The following PNPLA7 variants were observed in gnomAD, a reference collection of about 807,000 sequenced individuals.
PNPLA7 encodes the protein patatin like domain 7, lysophospholipase.
In PNPLA7, 153 loss-of-function variants were observed where a neutral mutation model predicts 161.7. The ratio of observed to expected loss-of-function variants is 0.95; its 90% CI spans 0.83 to 1.08. The LOEUF (loss-of-function observed/expected upper bound fraction) is 1.08, where lower values mean the gene tolerates loss of function less well. Ranked by LOEUF, PNPLA7 falls within the 50% of genes least tolerant of loss-of-function variation. The pLI is 0.00. For missense variants in PNPLA7, 1,739 were observed against 1,856.6 expected, an observed-to-expected ratio of 0.94 and a Z score of 1.16; for synonymous variants, 809 against 782.1, an observed-to-expected ratio of 1.03 and a Z score of -0.57.
chr9:137,481,548 G>T (rs1438949143), intron 21 of PNPLA7, among the ~76,000 whole-genome samples: 3 of 152,220 alleles, frequency 2.0e-5, no homozygotes, highest in Admixed American at 1.3e-4. Flanking sequence ...ACAGCCACCA[G>T]AGGCTCAGGG....
chr9:137,462,415 G>T, intron 30 of PNPLA7, 84 bp from the exon 31 acceptor site: 1 of 1,515,388 alleles, frequency 6.6e-7, no homozygotes, highest in Non-Finnish European at 8.8e-7. Flanking sequence ...CAGGTTCTGG[G>T]GACCCATCCT....
intron 20 of PNPLA7, chr9:137,491,500 C>T (rs1832761163): frequency 1.0e-6 from 1 of 982,476 alleles, no homozygotes; most frequent in Non-Finnish European, 1.2e-6. Flanking sequence ...AGCGAAGAGT[C>T]ACATTACGTT....
At chr9:137,491,594 A>G (rs1326226220) in intron 20 of PNPLA7, 92 of 985,308 alleles carry the variant, frequency 9.3e-5, no homozygotes, top group Non-Finnish European at 1.1e-4. Flanking sequence ...GTCCCCCCAA[A>G]TTCATGTCTA....
rs569404970 is a variant in PNPLA7 at position 137,512,515 on chromosome 9, C to A, written c.1225+2864G>T. Among the ~76,000 whole-genome samples, 3 of 152,320 alleles carry A rather than the reference C, an allele frequency of 2.0e-5. No homozygotes were observed. The South Asian group carries it at 6.2e-4, about 32-fold the overall frequency. On this transcript the variant is annotated intron_variant, in intron 12 of 34. Coordinates refer to ENST00000406427, the MANE Select transcript of PNPLA7 (RefSeq NM_001098537.3). The stretch of plus-strand genomic sequence containing the variant: ...CTGGTGGTAACAAGAGGAGCATGAA[C>A]GGGGCTTGCAGGGGCTAATTTATGT...
At chr9:137,461,411 G>A in intron 33 of PNPLA7, 125 bp downstream of exon 33, 1 of 1,081,208 alleles carries the variant, frequency 9.2e-7, no homozygotes, top group East Asian at 2.6e-5. Flanking sequence ...CCCAGCTGCT[G>A]GAGCCTGGGC....
intron 25 of PNPLA7, among the ~76,000 whole-genome samples, chr9:137,474,963 G>A (rs1831874640): frequency 7.1e-6 from 1 of 140,406 alleles, no homozygotes; most frequent in African/African-American, 3.0e-5. Flanking sequence ...GGAGCTTGCA[G>A]GGAGCCGAGC....
At chr9:137,474,555 A>T (rs1831852329) in intron 25 of PNPLA7, among the ~76,000 whole-genome samples, 1 of 152,190 alleles carries the variant, frequency 6.6e-6, no homozygotes, top group Admixed American at 6.5e-5. Flanking sequence ...CCGTGGGGAA[A>T]CGCACGCGGA....
Position 137,478,236 on chromosome 9 carries a change from T to C in PNPLA7, c.2764-84A>G, listed in dbSNP as rs184535704. ...GCATCCTGGCTTGACTGGGGGGAGT[T>C]TCCTCCACTTCTGACCCAAACTGAC... On this transcript the variant is annotated intron_variant, in intron 24 of 34. Transcript: ENST00000406427. 5.2e-4 allele frequency: 547 copies of C among 1,057,726 alleles called. 3 individuals carry two copies. In the African/African-American group the frequency reaches 8.5e-3, roughly 16 times the overall value. 65.5% of individuals were successfully genotyped at this position (1,057,726 alleles called of 1,614,324 possible). A position where few individuals can be genotyped will look rare whatever the true frequency, so the allele number is the denominator to read the frequency against.
intron 6 of PNPLA7, 59 bp from the exon 7 acceptor site, chr9:137,542,860 A>T (rs1451887076): frequency 6.4e-7 from 1 of 1,557,536 alleles, no homozygotes; most frequent in Admixed American, 1.8e-5. Flanking sequence ...CGGCCTCTCC[A>T]AGAGTCTCGA....
rs58417100 is a variant in PNPLA7, at chr9:137,475,010, C to CAAAA, written c.2882+3020_2882+3023dup. ...ACTGCGACAGAACAAGACTCTGCCTCAAAAAAAAAAAAAAAAAAAAAAGAA... is the reference window on the plus strand; with the variant it reads ...ACTGCGACAGAACAAGACTCTGCCTCAAAAAAAAAAAAAAAAAAAAAAAAAAGAA... On this transcript the variant is annotated intron_variant, in intron 25 of 34. Transcript: ENST00000406427. 7.6e-3 allele frequency among the ~76,000 whole-genome samples: 469 copies of CAAAA among 62,042 alleles called. 14 individuals are homozygous for CAAAA. The highest frequency in any genetic ancestry group is 0.019 in the African/African-American group (280 of 14,470). The allele number at this position is 62,042 out of a possible 152,430, so 40.7% of individuals were successfully genotyped here. A position where few individuals can be genotyped will look rare whatever the true frequency, so the allele number is the denominator to read the frequency against.
At chr9:137,528,850 G>A (rs1163429332) in intron 8 of PNPLA7, among the ~76,000 whole-genome samples, 2 of 151,914 alleles carry the variant, frequency 1.3e-5, no homozygotes, top group African/African-American at 4.8e-5. Context: ...ACAGGAGCCC[G>A]CCACCACGCC....
chr9:137,538,189 G>T (rs1389524396), intron 8 of PNPLA7, among the ~76,000 whole-genome samples: 1 of 152,222 alleles, frequency 6.6e-6, no homozygotes, highest in Non-Finnish European at 1.5e-5. Context: ...CTTGCTCAAA[G>T]GAGGTGGGTG....
chr9:137,518,972 A>C (rs71485023), intron 11 of PNPLA7, among the ~76,000 whole-genome samples: 11 of 86,584 alleles, frequency 1.3e-4, no homozygotes, highest in African/African-American at 4.6e-4. Context: ...ACTCCACCCT[A>C]TCCACTCCAT....
intron 4 of PNPLA7, among the ~76,000 whole-genome samples, chr9:137,546,577 T>G (rs532292606): frequency 4.0e-5 from 6 of 151,176 alleles, no homozygotes; most frequent in African/African-American, 1.5e-4. Flanking sequence ...CCAGGGGGAG[T>G]AGAGGCCTGA....
Position 137,491,949 on chromosome 9 carries a change from A to G in PNPLA7, c.2197+1064T>C, listed in dbSNP as rs145250299. 1.7e-4 allele frequency: 166 copies of G among 985,470 alleles called. 1 individual carries two copies. The East Asian group carries it at 0.016, about 92-fold the overall frequency. The allele number at this position is 985,470 out of a possible 1,614,324, so 61.0% of individuals were successfully genotyped here. A position where few individuals can be genotyped will look rare whatever the true frequency, so the allele number is the denominator to read the frequency against. ...GGAGGCTGTGCTGAGACGGAGATGC[A>G]GGACACGCGGGAGCAGCCAGGCTCT... is the stretch of plus-strand genomic sequence containing the variant. On this transcript the variant is annotated intron_variant, in intron 20 of 34. Transcript: ENST00000406427.
rs530750844 is a variant in PNPLA7 at position 137,461,963 on chromosome 9, G to A, written c.3724C>T (p.Gln1242Ter). 2.5e-6 allele frequency: 4 copies of A among 1,595,282 alleles called. No individual in the cohort carries two copies. Among genetic ancestry groups the A allele is most frequent in the Admixed American group, 3.4e-5 (2 of 58,572 alleles). ...GCGGGCTTCTTGCTCGGCCCCTGCT[G>A]GTCGCGGAGCATCTTCTCCAGCACG... ...SGVLEKMLRDQQGPSKKPASA... is the reference protein window; with the variant it reads ...SGVLEKMLRD Residue 1242 changes from glutamine to a stop codon, truncating the protein, a stop_gained, in exon 32 of 35, where the codon CAG becomes TAG. Coordinates refer to ENST00000406427, the MANE Select transcript of PNPLA7 (RefSeq NM_001098537.3). LOFTEE classifies it high-confidence loss of function.
In PNPLA7 at chr9:137,493,012, C is replaced by G; in HGVS notation, c.2197+1G>C. On this transcript the variant is annotated splice_donor_variant, in intron 20 of 34. Coordinates refer to ENST00000406427, the MANE Select transcript of PNPLA7 (RefSeq NM_001098537.3). LOFTEE classifies it high-confidence loss of function. ...GCTCTGGGTTGGGAGAGGTGACCCA[C>G]CTGTCACAGGTCCCTGCTGGAGGCT... is the stretch of plus-strand genomic sequence containing the variant. 2 of 1,613,408 alleles carry G rather than the reference C, an allele frequency of 1.2e-6. No homozygotes were observed. Among genetic ancestry groups the G allele is most frequent in the Non-Finnish European group, 1.7e-6 (2 of 1,179,950 alleles).
intron 16 of PNPLA7, 138 bp from the exon 17 acceptor site, chr9:137,498,383 G>A: frequency 3.9e-6 from 5 of 1,298,312 alleles, no homozygotes; most frequent in South Asian, 2.8e-5. Context: ...CAGGGGCTGG[G>A]ACGGGGCACG....
rs1052337275 is a variant in PNPLA7, at chr9:137,500,080, G to A, written c.1757+611C>T. On this transcript the variant is annotated intron_variant, in intron 16 of 34. Transcript: ENST00000406427. This position sits in a 1 kb window ranked among gnomAD's most constrained non-coding sequence, Gnocchi z 5.5. ...TCTGCCAGGCAGCCACAGGCGGGCC[G>A]AGGGCAGCTCTGGGCCTGGAGGGGC... Among the ~76,000 whole-genome samples, 2 of 152,242 alleles carry A rather than the reference G, an allele frequency of 1.3e-5. No individual in the cohort carries two copies. Among genetic ancestry groups the A allele is most frequent in the Admixed American group, 6.5e-5 (1 of 15,284 alleles).
Sources: allele counts gnomAD v4.1 joint callset (sites outside exome capture counted in the v4.1 genomes callset), GRCh38; gene constraint gnomAD v4.1.1; non-coding constraint Gnocchi (gnomAD v3.1); transcripts MANE v1.5; gene names NCBI Gene and HGNC (gene_info 2026-07-23, HGNC 2026-07-21).